CHLSN: variants seen among roughly 807,000 people sequenced by gnomAD.
The protein encoded by CHLSN is protein cholesin.
chr7:1,068,220 A>C, the CHLSN span, among the ~76,000 whole-genome samples: 1 of 152,054 alleles, frequency 6.6e-6, no homozygotes, highest in Non-Finnish European at 1.5e-5. Context: ...GCAGTGTGTC[A>C]CATGTCCCCA....
the CHLSN span, among the ~76,000 whole-genome samples, chr7:1,010,660 G>A: frequency 6.6e-6 from 1 of 152,178 alleles, no homozygotes; most frequent in African/African-American, 2.4e-5. Context: ...AGGGGGCCAA[G>A]ACCCCCAAGG....
chr7:1,028,250 G>T, the CHLSN span: 4 of 1,095,732 alleles, frequency 3.7e-6, no homozygotes, highest in Non-Finnish European at 4.5e-6. Context: ...CTGGCCCCGC[G>T]CACTGACCTC....
chr7:1,056,012 C>T, the CHLSN span: 15 of 153,068 alleles, frequency 9.8e-5, no homozygotes, highest in African/African-American at 3.4e-4. Flanking sequence ...CTGAAGAACC[C>T]CGTCCTCTGG....
At chr7:1,101,059 G>A in the CHLSN span, among the ~76,000 whole-genome samples, 2 of 152,238 alleles carry the variant, frequency 1.3e-5, no homozygotes. Flanking sequence ...ACAGGCCCAG[G>A]CGGCCCTGCC....
chr7:1,137,456 A>G, the CHLSN span: 1 of 152,284 alleles, frequency 6.6e-6, no homozygotes, highest in Non-Finnish European at 1.5e-5. Flanking sequence ...AACGTTTTTT[A>G]AAAATGAATG....
the CHLSN span, among the ~76,000 whole-genome samples, chr7:1,077,154 T>C: frequency 0.022 from 3,393 of 152,264 alleles, 133 homozygotes; most frequent in African/African-American, 0.078. Flanking sequence ...GGTCCTATTT[T>C]TATTTATTTT....
At chr7:1,096,081 T>C in the CHLSN span, among the ~76,000 whole-genome samples, 1 of 152,234 alleles carries the variant, frequency 6.6e-6, no homozygotes, top group Non-Finnish European at 1.5e-5. This position sits in a 1 kb window ranked among gnomAD's most constrained non-coding sequence, Gnocchi z 4.6. Context: ...CAGTGCTGAC[T>C]GTGGCGTCCT....
chr7:1,102,893 A>G, the CHLSN span, among the ~76,000 whole-genome samples: 1 of 152,244 alleles, frequency 6.6e-6, no homozygotes, highest in Non-Finnish European at 1.5e-5. Flanking sequence ...AGGAAAATAG[A>G]GTCTGGAGGA....
chr7:1,063,726 A>T, the CHLSN span, among the ~76,000 whole-genome samples: 1 of 152,182 alleles, frequency 6.6e-6, no homozygotes, highest in Non-Finnish European at 1.5e-5. Context: ...TTCCCATCTT[A>T]ATGACGTCTT....
At chr7:1,127,461 G>C in the CHLSN span, 3 of 1,360,950 alleles carry the variant, frequency 2.2e-6, no homozygotes, top group Admixed American at 5.5e-5. Flanking sequence ...TAAATAAAAA[G>C]AGGTAGGGCA....
chr7:1,125,393 C>G, the CHLSN span, among the ~76,000 whole-genome samples: 1 of 152,226 alleles, frequency 6.6e-6, no homozygotes, highest in Non-Finnish European at 1.5e-5. Context: ...CAATGGCACA[C>G]TGCCCCAGGC....
chr7:1,136,603 T>TAAACATATATAAACATATAAACATATAC, the CHLSN span, among the ~76,000 whole-genome samples: 2 of 141,930 alleles, frequency 1.4e-5, no homozygotes, highest in Admixed American at 7.2e-5. Flanking sequence ...TAAACATATA[T>TAAACATATATAAACATATAAACATATAC]AAATATATAT....
the CHLSN span, among the ~76,000 whole-genome samples, chr7:1,016,166 G>C: frequency 3.5e-4 from 22 of 63,626 alleles, 1 homozygote; most frequent in Admixed American, 5.3e-4. Context: ...CCAGCACACA[G>C]CAGCACACAG....
At chr7:1,058,636 G>A in the CHLSN span, 1 of 615,162 alleles carries the variant, frequency 1.6e-6, no homozygotes, top group African/African-American at 1.9e-5. Flanking sequence ...CAGGAGGGGT[G>A]TTTTTCTTGA....
chr7:1,015,485 C>A, the CHLSN span, among the ~76,000 whole-genome samples: 1 of 152,264 alleles, frequency 6.6e-6, no homozygotes, highest in African/African-American at 2.4e-5. Context: ...CCGCTCTGGA[C>A]TCAGGGTTTA....
the CHLSN span, chr7:1,027,151 A>C: frequency 1.3e-5 from 2 of 152,252 alleles, no homozygotes; most frequent in African/African-American, 4.8e-5. Flanking sequence ...GTTAGTTGTT[A>C]CACATAGTTT....
At chr7:1,118,889 G>A in the CHLSN span, among the ~76,000 whole-genome samples, 7 of 150,414 alleles carry the variant, frequency 4.7e-5, no homozygotes, top group South Asian at 4.2e-4. Flanking sequence ...ATTAAACAGT[G>A]TGGTAAAGAC....
At chr7:983,744 C>T in the CHLSN span, among the ~76,000 whole-genome samples, 2 of 152,218 alleles carry the variant, frequency 1.3e-5, no homozygotes, top group South Asian at 2.1e-4. Context: ...GCCTGCTCAG[C>T]CCCCCTCGGC....
the CHLSN span, among the ~76,000 whole-genome samples, chr7:1,053,072 G>A: frequency 5.9e-5 from 9 of 152,220 alleles, no homozygotes; most frequent in African/African-American, 2.2e-4. Flanking sequence ...CCTGCCCAGT[G>A]GGGGGAGAAG....
Sources: allele counts gnomAD v4.1 joint callset (sites outside exome capture counted in the v4.1 genomes callset), GRCh38; gene constraint gnomAD v4.1.1; non-coding constraint Gnocchi (gnomAD v3.1); transcripts MANE v1.5; gene names NCBI Gene and HGNC (gene_info 2026-07-23, HGNC 2026-07-21).